UNC13C: variants seen among roughly 807,000 people sequenced by gnomAD.
UNC13C encodes the protein unc-13 homolog C.
A neutral mutation model predicts 245.4 loss-of-function variants in UNC13C; 174 were observed. The ratio of observed to expected loss-of-function variants is 0.71; its 90% CI spans 0.63 to 0.80. The LOEUF (loss-of-function observed/expected upper bound fraction) is 0.80. Among genes scored for constraint, UNC13C ranks in the 30% least tolerant of loss-of-function variants. The probability of loss-of-function intolerance (pLI) is 0.00; values close to 1 mark genes in which losing one functional copy is unlikely to be tolerated. For missense variants in UNC13C, 2,829 were observed against 2,602.9 expected (o/e 1.09, Z -1.89); for synonymous variants, 992 against 895.1 (o/e 1.11, Z -1.93).
chr15:54,340,344 C>A (rs2038699323), intron 17 of UNC13C, among the ~76,000 whole-genome samples: 1 of 152,128 alleles, frequency 6.6e-6, no homozygotes, highest in African/African-American at 2.4e-5. Flanking sequence ...GGTTCTTGGT[C>A]ATGAAGACTT....
chr15:54,548,905 C>A (rs928889684), intron 27 of UNC13C, among the ~76,000 whole-genome samples: 1 of 152,122 alleles, frequency 6.6e-6, no homozygotes, highest in African/African-American at 2.4e-5. Flanking sequence ...AAATTAACCA[C>A]GGTCACTATT....
At chr15:54,121,981 G>A (rs1321185032) in intron 2 of UNC13C, among the ~76,000 whole-genome samples, 1 of 151,772 alleles carries the variant, frequency 6.6e-6, no homozygotes, top group Non-Finnish European at 1.5e-5. Flanking sequence ...TTTTTATGTT[G>A]ATCTTATATG....
the UNC13C span, among the ~76,000 whole-genome samples, chr15:53,869,981 T>C: frequency 6.6e-6 from 1 of 152,202 alleles, no homozygotes; most frequent in Non-Finnish European, 1.5e-5. Flanking sequence ...CTTTCAGCCA[T>C]AACACTGTCC....
At chr15:54,449,713 G>A (rs552231745) in intron 19 of UNC13C, among the ~76,000 whole-genome samples, 6 of 152,116 alleles carry the variant, frequency 3.9e-5, no homozygotes, top group Admixed American at 2.6e-4. Context: ...CTTTGCAATG[G>A]GTTCAAACTT....
At chr15:54,595,409 G>T (rs1297941737) in intron 30 of UNC13C, among the ~76,000 whole-genome samples, 1 of 152,056 alleles carries the variant, frequency 6.6e-6, no homozygotes, top group Non-Finnish European at 1.5e-5. Flanking sequence ...CAAAGATGCA[G>T]CACTCAAAGT....
At chr15:54,164,240 A>G (rs568343793) in intron 4 of UNC13C, among the ~76,000 whole-genome samples, 1 of 152,214 alleles carries the variant, frequency 6.6e-6, no homozygotes, top group South Asian at 2.1e-4. Context: ...TATGTATAAT[A>G]TATACACATG....
At chr15:54,067,659 G>T (rs1280448083) in intron 2 of UNC13C, among the ~76,000 whole-genome samples, 1 of 152,170 alleles carries the variant, frequency 6.6e-6, no homozygotes, top group Non-Finnish European at 1.5e-5. Flanking sequence ...AAAGCTGTAG[G>T]TCCATAATGA....
chr15:54,342,859 A>G (rs1434375665), intron 17 of UNC13C, among the ~76,000 whole-genome samples: 4 of 152,220 alleles, frequency 2.6e-5, no homozygotes, highest in African/African-American at 9.6e-5. Flanking sequence ...AAAACAATAT[A>G]TAACCACATA....
chr15:53,942,015 A>G, the UNC13C span, among the ~76,000 whole-genome samples: 93 of 152,288 alleles, frequency 6.1e-4, no homozygotes, highest in African/African-American at 2.2e-3. Context: ...AAAGACCTAG[A>G]ACAAGAAATG....
At chr15:54,051,490 T>C (rs185033976) in intron 2 of UNC13C, among the ~76,000 whole-genome samples, 9 of 152,268 alleles carry the variant, frequency 5.9e-5, no homozygotes, top group Admixed American at 5.9e-4. Context: ...CTATTCAATG[T>C]ACTATATCAC....
At chr15:54,604,659 A>G (rs1243884343) in intron 30 of UNC13C, among the ~76,000 whole-genome samples, 2 of 152,156 alleles carry the variant, frequency 1.3e-5, no homozygotes, top group Non-Finnish European at 2.9e-5. Flanking sequence ...CAATTCCTCT[A>G]AGACCTCTTT....
rs541251553 is a variant in UNC13C, at chr15:54,119,669, A to G, written c.2984-23349A>G. Among the ~76,000 whole-genome samples, 60 of 152,318 alleles carry G rather than the reference A, an allele frequency of 3.9e-4. 1 individual carries two copies. The South Asian group carries it at 0.012, about 31-fold the overall frequency. ...AAGCTTAGCGGGGAAGGCATGTCGA[A>G]AGTCAATAGGCTGAAAGGTAGGCCT... On this transcript the variant is annotated intron_variant, in intron 2 of 32. Coordinates refer to ENST00000260323, the MANE Select transcript of UNC13C (RefSeq NM_001080534.3).
chr15:53,870,484 C>T, the UNC13C span, among the ~76,000 whole-genome samples: 1 of 147,136 alleles, frequency 6.8e-6, no homozygotes, highest in South Asian at 2.3e-4. Flanking sequence ...GTGAGTGCCT[C>T]ATCCCAGTGA....
intron 30 of UNC13C, among the ~76,000 whole-genome samples, chr15:54,619,728 A>G (rs1226902880): frequency 1.3e-5 from 2 of 152,304 alleles, no homozygotes; most frequent in East Asian, 3.9e-4. Context: ...CTGTCAGCCT[A>G]TTTAATCAAC....
the UNC13C span, chr15:53,911,378 G>A: frequency 6.6e-6 from 1 of 152,226 alleles, no homozygotes; most frequent in East Asian, 1.9e-4. Flanking sequence ...TCCACTGCTG[G>A]ATCACCCTGT....
chr15:53,943,460 CAA>C, the UNC13C span, among the ~76,000 whole-genome samples: 1 of 152,024 alleles, frequency 6.6e-6, no homozygotes, highest in Admixed American at 6.6e-5. Flanking sequence ...ACAATAAAAA[CAA>C]GAACAAAAAT....
chr15:54,197,419 C>T (rs2034390484), intron 4 of UNC13C, among the ~76,000 whole-genome samples: 1 of 151,090 alleles, frequency 6.6e-6, no homozygotes, highest in Admixed American at 6.6e-5. Context: ...GCCAAGATCA[C>T]ACCACTGCAC....
the UNC13C span, among the ~76,000 whole-genome samples, chr15:53,926,837 C>T: frequency 3.2e-4 from 48 of 152,246 alleles, no homozygotes; most frequent in African/African-American, 4.3e-4. Flanking sequence ...GGGAATGGAA[C>T]GGCAGGACAG....
At chr15:54,366,355 G>A (rs2140875026) in intron 17 of UNC13C, among the ~76,000 whole-genome samples, 1 of 152,240 alleles carries the variant, frequency 6.6e-6, no homozygotes, top group South Asian at 2.1e-4. Flanking sequence ...TTACAGATAT[G>A]AATTGTAATC....
Sources: allele counts gnomAD v4.1 joint callset (sites outside exome capture counted in the v4.1 genomes callset), GRCh38; gene constraint gnomAD v4.1.1; transcripts MANE v1.5; gene names NCBI Gene and HGNC (gene_info 2026-07-23, HGNC 2026-07-21).